The following PPP2R2C variants were observed in gnomAD, a reference collection of about 807,000 sequenced individuals.
The protein encoded by PPP2R2C is protein phosphatase 2, regulatory subunit B, gamma.
PPP2R2C carries 10 observed loss-of-function variants against 45.3 expected under a neutral mutation model. The ratio of observed to expected loss-of-function variants is 0.22; its 90% CI spans 0.14 to 0.37. The LOEUF (loss-of-function observed/expected upper bound fraction) is 0.37, where lower values mean the gene tolerates loss of function less well. PPP2R2C is among the 10% of genes least tolerant of loss of function. The pLI, the probability that PPP2R2C is intolerant of heterozygous loss-of-function variation, is 1.00. For synonymous variants in PPP2R2C, 257 were observed against 245.4 expected (o/e 1.05, Z -0.44); for missense variants, 308 against 619.7 (o/e 0.50, Z 5.34).
intron 1 of PPP2R2C, among the ~76,000 whole-genome samples, chr4:6,561,750 AG>A (rs2108847589): frequency 1.3e-5 from 2 of 152,268 alleles, no homozygotes; most frequent in South Asian, 4.1e-4. Flanking sequence ...TTTAGAACCC[AG>A]GGACTGACTC....
At chr4:6,533,708 AC>A (rs1439395294) in intron 2 of PPP2R2C, among the ~76,000 whole-genome samples, 1 of 152,106 alleles carries the variant, frequency 6.6e-6, no homozygotes, top group Non-Finnish European at 1.5e-5. Context: ...AAGGGTAGAA[AC>A]CCAAGATGGC....
At chr4:6,536,824 G>A (rs919549288) in intron 1 of PPP2R2C, among the ~76,000 whole-genome samples, 3 of 152,212 alleles carry the variant, frequency 2.0e-5, no homozygotes, top group African/African-American at 7.2e-5. Context: ...GCATGGACCT[G>A]GGGAAATAAG....
At chr4:6,535,145 G>A (rs1003944132) in intron 2 of PPP2R2C, 23 of 1,120,844 alleles carry the variant, frequency 2.1e-5, no homozygotes, top group East Asian at 5.2e-5. Flanking sequence ...GGGAGGGACC[G>A]GATCCCAGCA....
intron 5 of PPP2R2C, among the ~76,000 whole-genome samples, chr4:6,369,258 C>T (rs1235882936): frequency 6.6e-6 from 1 of 152,220 alleles, no homozygotes; most frequent in Admixed American, 6.5e-5. Context: ...GCACATGGGG[C>T]TGGTGGCTGC....
chr4:6,434,175 C>T (rs576582340), intron 1 of PPP2R2C, among the ~76,000 whole-genome samples: 42 of 152,276 alleles, frequency 2.8e-4, no homozygotes, highest in Middle Eastern at 6.8e-3. Context: ...CATCATTCTA[C>T]ATCAGCGCAC....
intron 8 of PPP2R2C, among the ~76,000 whole-genome samples, chr4:6,326,833 C>T (rs111727513): frequency 1.3e-5 from 2 of 152,216 alleles, no homozygotes; most frequent in Non-Finnish European, 2.9e-5. Context: ...CAGGGGCCAT[C>T]GGGCAGCCAC....
chr4:6,356,886 G>T, intron 5 of PPP2R2C, among the ~76,000 whole-genome samples: 2 of 151,978 alleles, frequency 1.3e-5, no homozygotes, highest in South Asian at 4.2e-4. Flanking sequence ...GGACAGTGAG[G>T]TGCTGGGCAG....
intron 2 of PPP2R2C, among the ~76,000 whole-genome samples, chr4:6,379,150 G>A (rs1317687730): frequency 6.6e-6 from 1 of 152,166 alleles, no homozygotes; most frequent in Non-Finnish European, 1.5e-5. Context: ...CATTGGGACA[G>A]AATGTCTGGC....
intron 2 of PPP2R2C, among the ~76,000 whole-genome samples, chr4:6,510,491 C>T (rs771395285): frequency 2.6e-5 from 4 of 152,184 alleles, no homozygotes; most frequent in Non-Finnish European, 5.9e-5. Context: ...TATATGTACC[C>T]GAAATTGTTT....
intron 1 of PPP2R2C, among the ~76,000 whole-genome samples, chr4:6,453,697 T>A (rs1577194882): frequency 6.6e-6 from 1 of 152,182 alleles, no homozygotes; most frequent in Non-Finnish European, 1.5e-5. Flanking sequence ...GAGGTCGGTG[T>A]GTCCTTCTTG....
intron 1 of PPP2R2C, among the ~76,000 whole-genome samples, chr4:6,454,554 C>T (rs7378410): frequency 0.98 from 149,836 of 152,256 alleles, 73,775 homozygotes; most frequent in Middle Eastern, 1. Flanking sequence ...TCTCAGTCCC[C>T]CCAGATCAGT....
chr4:6,470,263 T>C (rs1048454708), intron 1 of PPP2R2C, among the ~76,000 whole-genome samples: 3 of 152,038 alleles, frequency 2.0e-5, no homozygotes, highest in African/African-American at 7.2e-5. Flanking sequence ...GATAAAACAG[T>C]GCCCGGCATG....
rs1294229187 is a variant in PPP2R2C at position 6,320,812 on chromosome 4, A to T, written c.*2490T>A. The T allele has an allele frequency of 6.6e-6, 1 of 152,058 alleles. No individual in the cohort carries two copies. Among genetic ancestry groups the T allele is most frequent in the East Asian group, 1.9e-4 (1 of 5,186 alleles). The allele number at this position is 152,058 out of a possible 1,614,324, so 9.4% of individuals were successfully genotyped here. On this transcript the variant is annotated 3_prime_UTR_variant, in exon 9 of 9. Transcript: ENST00000382599. ...TCCTCAGAGAAGAGCTAAATTAAAA[A>T]CAAAACCAAAAAAACCCCAACAACT...
rs1250581195 is a variant in PPP2R2C at position 6,330,991 on chromosome 4, T to C, written c.961-1638A>G. On this transcript the variant is annotated intron_variant, in intron 7 of 8. Coordinates refer to ENST00000382599, the MANE Select transcript of PPP2R2C (RefSeq NM_020416.4). The surrounding 1 kb of genome is among the most constrained non-coding windows in gnomAD (Gnocchi z 7.0). ...GGGACCCTCGAGGGTGAGGCCGAGG[T>C]TCTTCCTTCTCTCTGGGTCCAGGGT... 1.3e-5 allele frequency among the ~76,000 whole-genome samples: 2 copies of C among 152,088 alleles called. No individual in the cohort carries two copies. The highest frequency in any genetic ancestry group is 4.8e-5 in the African/African-American group (2 of 41,380).
At chr4:6,484,817 C>CT (rs1164160382) in intron 2 of PPP2R2C, among the ~76,000 whole-genome samples, 1 of 151,856 alleles carries the variant, frequency 6.6e-6, no homozygotes, top group Non-Finnish European at 1.5e-5. Flanking sequence ...ACTCTGGTAG[C>CT]TTTTTTGTAG....
intron 1 of PPP2R2C, among the ~76,000 whole-genome samples, chr4:6,446,554 C>T (rs978998634): frequency 5.3e-5 from 8 of 152,144 alleles, no homozygotes; most frequent in Admixed American, 1.3e-4. Flanking sequence ...AGATTTCACA[C>T]GGGAAAGCCC....
intron 2 of PPP2R2C, among the ~76,000 whole-genome samples, chr4:6,485,919 C>T (rs1171227420): frequency 6.6e-6 from 1 of 151,768 alleles, no homozygotes; most frequent in Admixed American, 6.6e-5. Context: ...TATTTCCTCT[C>T]TTCTGCTTAC....
At chr4:6,343,404 G>T (rs1711526139) in intron 6 of PPP2R2C, among the ~76,000 whole-genome samples, 2 of 152,132 alleles carry the variant, frequency 1.3e-5, no homozygotes, top group Admixed American at 6.5e-5. Flanking sequence ...AATAAAATTT[G>T]CATAAATCAA....
At chr4:6,429,910 C>G (rs1411238827) in intron 1 of PPP2R2C, among the ~76,000 whole-genome samples, 33 of 152,064 alleles carry the variant, frequency 2.2e-4, no homozygotes, top group Admixed American at 2.2e-3. Flanking sequence ...GGAAGGAGGT[C>G]TATTGAAAGA....
Sources: allele counts gnomAD v4.1 joint callset (sites outside exome capture counted in the v4.1 genomes callset), GRCh38; gene constraint gnomAD v4.1.1; non-coding constraint Gnocchi (gnomAD v3.1); transcripts MANE v1.5; gene names NCBI Gene and HGNC (gene_info 2026-07-23, HGNC 2026-07-21).